Variants in HDAC4 observed in about 807,000 individuals in gnomAD.
HDAC4 encodes the protein histone deacetylase 4, also known as histone deacetylase A.
Under a neutral mutation model 135.1 loss-of-function variants are expected in HDAC4, and 16 were observed. The observed-to-expected ratio is 0.12, with a 90% confidence interval of 0.08 to 0.18. The LOEUF is 0.18. HDAC4 is among the 10% of genes least tolerant of loss of function. The probability of loss-of-function intolerance (pLI) is 1.00; values close to 1 mark genes in which losing one functional copy is unlikely to be tolerated. For missense variants in HDAC4, 1,143 were observed against 1,511.8 expected (o/e 0.76, Z 4.05); for synonymous variants, 685 against 653.4 (o/e 1.05, Z -0.74).
At chr2:239,223,825 G>A (rs1342279459) in intron 3 of HDAC4, among the ~76,000 whole-genome samples, 1 of 150,338 alleles carries the variant, frequency 6.7e-6, no homozygotes, top group African/African-American at 2.5e-5. Flanking sequence ...TTTGGTAGAA[G>A]ATGCATGCCA....
At chr2:239,374,159 TG>T (rs1474745130) in intron 1 of HDAC4, among the ~76,000 whole-genome samples, 8 of 152,132 alleles carry the variant, frequency 5.3e-5, no homozygotes, top group African/African-American at 1.9e-4. Context: ...CAGCAGGGCC[TG>T]GAACTTCAGC....
At chr2:239,277,913 CCCAGCCACACACTCCAGCCACACACG>C (rs1168805364) in intron 2 of HDAC4, among the ~76,000 whole-genome samples, 4 of 151,750 alleles carry the variant, frequency 2.6e-5, no homozygotes, top group South Asian at 4.2e-4. Flanking sequence ...AGTCACACAC[CCCAGCCACACACTCCAGCCACACACG>C]CCAGCCACAC....
intron 13 of HDAC4, among the ~76,000 whole-genome samples, chr2:239,114,269 G>C (rs2038934854): frequency 6.6e-6 from 1 of 152,204 alleles, no homozygotes; most frequent in Non-Finnish European, 1.5e-5. Flanking sequence ...GGAGTCCAGA[G>C]AGAAGGGAGG....
intron 2 of HDAC4, among the ~76,000 whole-genome samples, chr2:239,300,275 C>G (rs2125607531): frequency 6.6e-6 from 1 of 152,320 alleles, no homozygotes. Context: ...GGATGATCCT[C>G]AAACTCTCAG....
At chr2:239,066,885 G>C (rs1481366093) in intron 23 of HDAC4, 30 bp from the exon 24 acceptor site, 2 of 1,605,862 alleles carry the variant, frequency 1.2e-6, no homozygotes, top group Non-Finnish European at 1.7e-6. Flanking sequence ...ACTGCAGTGT[G>C]AACGGGGGAG....
intron 1 of HDAC4, among the ~76,000 whole-genome samples, chr2:239,371,479 A>G (rs1391303007): frequency 1.3e-5 from 2 of 152,150 alleles, no homozygotes; most frequent in Non-Finnish European, 2.9e-5. Flanking sequence ...ACTCACACAC[A>G]CTAACACAAA....
chr2:239,251,257 C>T lies in HDAC4; in HGVS notation c.23-14593G>A, dbSNP rs144836220. On this transcript the variant is annotated intron_variant, in intron 2 of 26. Transcript: ENST00000543185. ...AAAAAGTGAAGATGGGGGAGACACA[C>T]AGATGCCACCACAGCTAGCGTCGTG... 1.1e-3 allele frequency among the ~76,000 whole-genome samples: 163 copies of T among 152,350 alleles called. 1 individual carries two copies. Among genetic ancestry groups the T allele is most frequent in the East Asian group, 2.7e-3 (14 of 5,192 alleles).
At chr2:239,281,653 GCAAA>G (rs1245804956) in intron 2 of HDAC4, among the ~76,000 whole-genome samples, 12 of 118,692 alleles carry the variant, frequency 1.0e-4, no homozygotes, top group African/African-American at 2.0e-4. Flanking sequence ...ACACCACTCT[GCAAA>G]CAATGTACAC....
At position 239,146,040 on chromosome 2, in the gene HDAC4, G is replaced by A. The variant is rs751176067; in HGVS notation, c.734-1326C>T. ...CAGACTCTAAGCCTCTGCAGGGAGC[G>A]AGGCCTCTGTGCTGTGGCACGGGGG... On this transcript the variant is annotated intron_variant, in intron 7 of 26. Transcript: ENST00000543185. The surrounding 1 kb of genome is among the most constrained non-coding windows in gnomAD (Gnocchi z 4.5). Among the ~76,000 whole-genome samples, 47 of 152,288 alleles carry A rather than the reference G, an allele frequency of 3.1e-4. No homozygotes were observed. The highest frequency in any genetic ancestry group is 3.4e-3 in the Middle Eastern group (1 of 292).
rs946837375 is a variant in HDAC4 at position 239,331,693 on chromosome 2, C to G, written c.22+20985G>C. ...AAACCTCAGCTTCCACTCTGGGCTACAGCGGGCCATACTAACCCTCCAGCC... is the reference window on the plus strand; with the variant it reads ...AAACCTCAGCTTCCACTCTGGGCTAGAGCGGGCCATACTAACCCTCCAGCC... On this transcript the variant is annotated intron_variant, in intron 2 of 26. Transcript: ENST00000543185. This position sits in a 1 kb window ranked among gnomAD's most constrained non-coding sequence, Gnocchi z 4.5. Among the ~76,000 whole-genome samples, 4 of 152,130 alleles carry G rather than the reference C, an allele frequency of 2.6e-5. No individual in the cohort carries two copies. Among genetic ancestry groups the G allele is most frequent in the Non-Finnish European group, 4.4e-5 (3 of 68,028 alleles).
chr2:239,077,120 C>A (rs2034842874), intron 22 of HDAC4, among the ~76,000 whole-genome samples: 1 of 152,246 alleles, frequency 6.6e-6, no homozygotes. Context: ...GTCACCTAAG[C>A]TGCCACAAGA....
intron 2 of HDAC4, among the ~76,000 whole-genome samples, chr2:239,265,804 T>C (rs995372631): frequency 2.6e-5 from 4 of 152,222 alleles, no homozygotes; most frequent in African/African-American, 9.6e-5. Context: ...TTTAAGGTTA[T>C]GCATGAGCTC....
intron 17 of HDAC4, chr2:239,091,907 A>G (rs1182656602): frequency 6.9e-6 from 1 of 144,106 alleles, no homozygotes; most frequent in African/African-American, 2.6e-5. Context: ...AAAAATACAA[A>G]AAAAAAAAAA....
At chr2:239,071,909 TC>T (rs2034242060) in intron 22 of HDAC4, among the ~76,000 whole-genome samples, 1 of 152,190 alleles carries the variant, frequency 6.6e-6, no homozygotes, top group East Asian at 1.9e-4. Flanking sequence ...TTGTGGGTCC[TC>T]TACAATTAGG....
In HDAC4 at chr2:239,178,200, C is replaced by T. The variant is rs376953213; in HGVS notation, c.340-1637G>A. Among the ~76,000 whole-genome samples the T allele has an allele frequency of 2.0e-5, 3 of 152,320 alleles. No homozygotes were observed. In the East Asian group the frequency reaches 5.8e-4, roughly 29 times the overall value. ...AGAGCCTCTCTGCCACCCTCTGTGG[C>T]CGCACGTGTCCCGGTCATGGTCTGT... On this transcript the variant is annotated intron_variant, in intron 4 of 26. Coordinates refer to ENST00000543185, the MANE Select transcript of HDAC4 (RefSeq NM_001378414.1).
At chr2:239,343,675 T>C (rs1488077004) in intron 2 of HDAC4, among the ~76,000 whole-genome samples, 1 of 152,196 alleles carries the variant, frequency 6.6e-6, no homozygotes, top group African/African-American at 2.4e-5. Context: ...CCAGAGTGCC[T>C]GCTGCCCTGC....
intron 2 of HDAC4, among the ~76,000 whole-genome samples, chr2:239,300,917 C>T (rs569747737): frequency 6.0e-4 from 91 of 152,364 alleles, no homozygotes; most frequent in Non-Finnish European, 1.2e-3. Context: ...GGAACGTCTT[C>T]GGGGTCCATG....
chr2:239,159,141 CCAA>C (rs1373479523), intron 6 of HDAC4, among the ~76,000 whole-genome samples: 3 of 150,858 alleles, frequency 2.0e-5, no homozygotes, highest in Admixed American at 1.3e-4. Flanking sequence ...TGCAGCTCAC[CCAA>C]CTACTCACAC....
At chr2:239,251,365 G>A (rs1052600314) in intron 2 of HDAC4, among the ~76,000 whole-genome samples, 1 of 152,116 alleles carries the variant, frequency 6.6e-6, no homozygotes, top group African/African-American at 2.4e-5. Context: ...GGAATGAGGC[G>A]GGAATATTGC....
Sources: gnomAD v4.1 joint callset for allele counts (sites outside exome capture counted in the v4.1 genomes callset) on GRCh38, gnomAD v4.1.1 for gene constraint, Gnocchi (gnomAD v3.1) non-coding constraint, MANE v1.5 for transcripts, NCBI Gene and HGNC (gene_info 2026-07-23, HGNC 2026-07-21) for gene names.